Variants in SDAD1 observed in about 807,000 individuals in gnomAD.
The protein encoded by SDAD1 is protein SDA1 homolog.
A neutral mutation model predicts 100.3 loss-of-function variants in SDAD1; 79 were observed. The ratio of observed to expected loss-of-function variants is 0.79; its 90% CI spans 0.66 to 0.95. SDAD1 has a LOEUF of 0.95. Ranked by LOEUF, SDAD1 falls within the 40% of genes least tolerant of loss-of-function variation. SDAD1 has a pLI of 0.00. For missense variants in SDAD1, 790 were observed against 810.9 expected (o/e 0.97, Z 0.31); for synonymous variants, 267 against 271.4 (o/e 0.98, Z 0.16).
In SDAD1 at chr4:75,950,715, A is replaced by C. The variant is rs754313844; in HGVS notation, c.*35T>G. On this transcript the variant is annotated 3_prime_UTR_variant, in exon 22 of 22. Transcript: ENST00000356260. ...ATTTTCAGAGCAAGGACACAAACTT[A>C]GCATTCTTCTAGGAATGGAAAACTT... The C allele has an allele frequency of 6.8e-7, 1 of 1,481,012 alleles. No individual in the cohort carries two copies. The highest frequency in any genetic ancestry group is 1.2e-5 in the South Asian group (1 of 85,388). The allele number at this position is 1,481,012 out of a possible 1,614,324, so 91.7% of individuals were successfully genotyped here.
intron 6 of SDAD1, among the ~76,000 whole-genome samples, chr4:75,974,792 A>T (rs1253909979): frequency 6.6e-6 from 1 of 152,192 alleles, no homozygotes; most frequent in African/African-American, 2.4e-5. Flanking sequence ...CTGTAATCCC[A>T]GCACTTTGGG....
chr4:75,975,315 T>G (rs1199776793), intron 6 of SDAD1, among the ~76,000 whole-genome samples: 1 of 152,174 alleles, frequency 6.6e-6, no homozygotes, highest in Non-Finnish European at 1.5e-5. Context: ...AAGCATGATA[T>G]TTTATATAAA....
intron 3 of SDAD1, among the ~76,000 whole-genome samples, chr4:75,980,586 AG>A (rs1730444516): frequency 3.6e-5 from 4 of 111,678 alleles, no homozygotes; most frequent in Non-Finnish European, 6.9e-5. Context: ...AAGTGAAGGA[AG>A]GAGGATAGTG....
At chr4:75,969,813 G>C (rs1729762477) in intron 10 of SDAD1, among the ~76,000 whole-genome samples, 1 of 152,106 alleles carries the variant, frequency 6.6e-6, no homozygotes, top group South Asian at 2.1e-4. Context: ...AGAGTACTGA[G>C]AGCCCCAACG....
intron 11 of SDAD1, among the ~76,000 whole-genome samples, chr4:75,967,885 C>A (rs1393719832): frequency 7.0e-6 from 1 of 142,342 alleles, no homozygotes; most frequent in Non-Finnish European, 1.6e-5. Flanking sequence ...CGTTAACACT[C>A]TGAAGTCCAC....
chr4:75,956,074 A>G lies in SDAD1; in HGVS notation c.1917T>C (p.Ser639=). ...RKKTKTNPFS[S]STNKEKKKQK... is the part of the protein sequence containing the mutation. ...GTTTTTTCTTCTCTTTATTTGTCGAACTGGAAAATGGATTTGTTTTGGTTT... is the reference window on the plus strand; with the variant it reads ...GTTTTTTCTTCTCTTTATTTGTCGAGCTGGAAAATGGATTTGTTTTGGTTT... The change falls in exon 21 of 22, where the codon AGT becomes AGC. Residue 639 remains serine (S), a synonymous_variant. Coordinates refer to ENST00000356260, the MANE Select transcript of SDAD1 (RefSeq NM_018115.4). The G allele has an allele frequency of 6.2e-7, 1 of 1,613,560 alleles. No individual in the cohort carries two copies. The highest frequency in any genetic ancestry group is 8.5e-7 in the Non-Finnish European group (1 of 1,179,870).
chr4:75,974,531 C>G (rs1407540668), intron 6 of SDAD1, among the ~76,000 whole-genome samples: 1 of 151,340 alleles, frequency 6.6e-6, no homozygotes, highest in Non-Finnish European at 1.5e-5. Flanking sequence ...GCCTGATCAA[C>G]ATAGTGAAAC....
intron 6 of SDAD1, among the ~76,000 whole-genome samples, 160 bp downstream of exon 6, chr4:75,975,584 T>C (rs886663479): frequency 6.6e-6 from 1 of 152,072 alleles, no homozygotes; most frequent in Non-Finnish European, 1.5e-5. Flanking sequence ...ACCAATGTCA[T>C]TAGTCATTTG....
chr4:75,963,443 G>A (rs890992416), intron 14 of SDAD1, among the ~76,000 whole-genome samples: 2 of 152,176 alleles, frequency 1.3e-5, no homozygotes, highest in African/African-American at 4.8e-5. Context: ...CTGGTAGCTT[G>A]ATGGGGATGG....
At chr4:75,950,857 G>T in intron 21 of SDAD1, 60 bp from the exon 22 acceptor site, 1 of 1,193,806 alleles carries the variant, frequency 8.4e-7, no homozygotes, top group Non-Finnish European at 1.2e-6. Flanking sequence ...ATACGAATTT[G>T]GTTACATGAA....
In SDAD1 at chr4:75,971,346, A is replaced by C; in HGVS notation, c.813+11T>G. The C allele has an allele frequency of 1.3e-6, 2 of 1,587,658 alleles. No homozygotes were observed. Among genetic ancestry groups the C allele is most frequent in the Non-Finnish European group, 1.7e-6 (2 of 1,156,532 alleles). On this transcript the variant is annotated intron_variant, in intron 9 of 21. Coordinates refer to ENST00000356260, the MANE Select transcript of SDAD1 (RefSeq NM_018115.4). ...ATCACTCCTATCTCATTTTCCAGAT[A>C]CAAGTCCCACCTTGAGCACTTTCAT... is the stretch of plus-strand genomic sequence containing the variant.
chr4:75,965,499 C>T (rs190411704), intron 13 of SDAD1, among the ~76,000 whole-genome samples: 4 of 152,252 alleles, frequency 2.6e-5, no homozygotes, highest in East Asian at 3.9e-4. Flanking sequence ...CCTCCCCTTT[C>T]GAAAATCACT....
intron 14 of SDAD1, 28 bp from the exon 15 acceptor site, chr4:75,961,336 G>A: frequency 6.5e-7 from 1 of 1,528,584 alleles, no homozygotes; most frequent in South Asian, 1.1e-5. Flanking sequence ...AAGTTTAAAA[G>A]AGCCCGAATA....
chr4:75,961,169 A>G, intron 15 of SDAD1, 42 bp downstream of exon 15: 1 of 1,600,582 alleles, frequency 6.2e-7, no homozygotes, highest in African/African-American at 1.3e-5. Context: ...AAAAGGAGTC[A>G]CACTGTACTC....
intron 19 of SDAD1, 49 bp downstream of exon 19, chr4:75,957,469 C>CATT: frequency 6.2e-7 from 1 of 1,611,920 alleles, no homozygotes; most frequent in African/African-American, 1.3e-5. Context: ...CTGATGCTTT[C>CATT]ATTACCACAT....
At position 75,950,742 on chromosome 4, in the gene SDAD1, C is replaced by T; in HGVS notation, c.*8G>A. ...CATTCTTCTAGGAATGGAAAACTTGCCAGGAAGTTACTTCATTCTTTTTCT... is the reference window on the plus strand; with the variant it reads ...CATTCTTCTAGGAATGGAAAACTTGTCAGGAAGTTACTTCATTCTTTTTCT... On this transcript the variant is annotated 3_prime_UTR_variant, in exon 22 of 22. Coordinates refer to ENST00000356260, the MANE Select transcript of SDAD1 (RefSeq NM_018115.4). 6.3e-7 allele frequency: 1 copy of T among 1,577,302 alleles called. No homozygotes were observed. The highest frequency in any genetic ancestry group is 8.7e-7 in the Non-Finnish European group (1 of 1,151,976).
Position 75,961,115 on chromosome 4 carries a change from A to G in SDAD1, c.1280-11T>C, listed in dbSNP as rs1434284551. On this transcript the variant is annotated splice_polypyrimidine_tract_variant and intron_variant, in intron 15 of 21. Transcript: ENST00000356260. ...CAGACATCATTACATCTGTAAAATA[A>G]TACTTTTAATTAGAAATTCTGGCCC... 6.2e-7 allele frequency: 1 copy of G among 1,613,180 alleles called. No homozygotes were observed. The highest frequency in any genetic ancestry group is 8.5e-7 in the Non-Finnish European group (1 of 1,179,116).
intron 3 of SDAD1, among the ~76,000 whole-genome samples, chr4:75,978,259 A>C (rs1163233957): frequency 8.0e-6 from 1 of 124,414 alleles, no homozygotes; most frequent in Admixed American, 9.1e-5. Flanking sequence ...TTTTTTTGAG[A>C]CGGGTCTCGC....
intron 1 of SDAD1, among the ~76,000 whole-genome samples, chr4:75,990,055 A>G (rs1439227690): frequency 6.6e-6 from 1 of 152,074 alleles, no homozygotes; most frequent in African/African-American, 2.4e-5. Flanking sequence ...TATATCAAAA[A>G]CCACTTTCGT....
Sources: allele counts gnomAD v4.1 joint callset (sites outside exome capture counted in the v4.1 genomes callset), GRCh38; gene constraint gnomAD v4.1.1; transcripts MANE v1.5; gene names NCBI Gene and HGNC (gene_info 2026-07-23, HGNC 2026-07-21).